The following CCDC62 variants were observed in gnomAD, a reference collection of about 807,000 sequenced individuals.
CCDC62 encodes the protein coiled-coil domain containing 62.
A neutral mutation model predicts 80.8 loss-of-function variants in CCDC62; 72 were observed. The ratio of observed to expected loss-of-function variants is 0.89; its 90% confidence interval spans 0.74 to 1.08. CCDC62 has a LOEUF of 1.08. CCDC62 is among the 50% of genes least tolerant of loss of function. The pLI, the probability that CCDC62 is intolerant of heterozygous loss-of-function variation, is 0.00. For missense variants in CCDC62, 704 were observed against 809.4 expected (o/e 0.87, Z 1.58); for synonymous variants, 286 against 296.5 (o/e 0.96, Z 0.36).
At chr12:122,822,757 G>T (rs536770259) in intron 11 of CCDC62, among the ~76,000 whole-genome samples, 1 of 151,724 alleles carries the variant, frequency 6.6e-6, no homozygotes, top group East Asian at 1.9e-4. Context: ...CTTCTTTCAC[G>T]CAGTCTAATG....
intron 9 of CCDC62, among the ~76,000 whole-genome samples, chr12:122,802,846 G>C (rs991905548): frequency 6.6e-6 from 1 of 152,120 alleles, no homozygotes; most frequent in Admixed American, 6.6e-5. Flanking sequence ...GGTTAACATA[G>C]TGAGGCTCCA....
At chr12:122,826,380 A>G in intron 12 of CCDC62, 42 bp from the exon 13 acceptor site, 1 of 775,274 alleles carries the variant, frequency 1.3e-6, no homozygotes, top group Admixed American at 1.7e-5. Flanking sequence ...ATATTAATTG[A>G]TTGTATTTTA....
chr12:122,785,774 A>G lies in CCDC62; in HGVS notation c.452A>G (p.Gln151Arg), dbSNP rs1298735167. The change falls in exon 4 of 13, where the codon CAG (glutamine) becomes CGG (arginine). Residue 151 changes from glutamine to arginine, a missense_variant. By Grantham distance (43) the Gln-to-Arg change is conservative. Coordinates refer to ENST00000253079, the MANE Select transcript of CCDC62 (RefSeq NM_201435.5). The part of the protein sequence containing the change: ...TLVELSAQVG[Q>R]LQAREQALTT... ...GTGGAACTTTCTGCCCAGGTAGGAC[A>G]GCTACAAGCTCGAGAACAAGCTCTT... 6.2e-7 allele frequency: 1 copy of G among 1,613,906 alleles called. No individual in the cohort carries two copies. The highest frequency in any genetic ancestry group is 2.2e-5 in the East Asian group (1 of 44,898).
chr12:122,781,067 ATTCTCTACCACATTT>A, intron 2 of CCDC62, 82 bp from the exon 3 acceptor site: 1 of 896,874 alleles, frequency 1.1e-6, no homozygotes, highest in South Asian at 1.7e-5. Context: ...CTTTTTAAAA[ATTCTCTACCACATTT>A]TTACCTTTTA....
chr12:122,801,775 G>A lies in CCDC62; in HGVS notation c.1629G>A (p.Met543Ile), dbSNP rs765916160. 1 of 1,614,154 alleles carries A rather than the reference G, an allele frequency of 6.2e-7. No homozygotes were observed. Among genetic ancestry groups the A allele is most frequent in the Non-Finnish European group, 8.5e-7 (1 of 1,180,030 alleles). The part of the protein sequence containing the change: ...EWMSIFKPSK[M>I]QRIVRLKSGC... ...TGAGTATTTTCAAGCCTTCCAAAATGCAGAGAATTGTCCGCCTCAAATCTG... is the reference window on the plus strand; with the variant it reads ...TGAGTATTTTCAAGCCTTCCAAAATACAGAGAATTGTCCGCCTCAAATCTG... Residue 543 changes from methionine (M) to isoleucine (I), a missense_variant, in exon 9 of 13, where the codon ATG becomes ATA. By Grantham distance (10) the Met-to-Ile change is conservative. Coordinates refer to ENST00000253079, the MANE Select transcript of CCDC62 (RefSeq NM_201435.5).
intron 1 of CCDC62, among the ~76,000 whole-genome samples, chr12:122,775,030 C>G (rs1879336376): frequency 7.6e-6 from 1 of 131,880 alleles, no homozygotes; most frequent in African/African-American, 2.8e-5. Flanking sequence ...GGAGGCAGAG[C>G]TTGCAGTGAG....
In CCDC62 at chr12:122,826,732, TG is replaced by T. The variant is rs1327749575; in HGVS notation, c.*352del. 28 of 300,592 alleles carry T rather than the reference TG, an allele frequency of 9.3e-5. No individual in the cohort carries two copies. In the East Asian group the frequency reaches 9.9e-4, roughly 11 times the overall value. The allele number at this position is 300,592 out of a possible 1,614,324, so 18.6% of individuals were successfully genotyped here. A position where few individuals can be genotyped will look rare whatever the true frequency, so the allele number is the denominator to read the frequency against. ...AAATGCTAGAGAAGCTCTTTAAAAA[TG>T]TGAATGTCAAATAGAGAAAGAACCC... On this transcript the variant is annotated 3_prime_UTR_variant, in exon 13 of 13. Coordinates refer to ENST00000253079, the MANE Select transcript of CCDC62 (RefSeq NM_201435.5).
intron 10 of CCDC62, among the ~76,000 whole-genome samples, chr12:122,808,387 G>A (rs1326337059): frequency 6.6e-6 from 1 of 152,106 alleles, no homozygotes; most frequent in Non-Finnish European, 1.5e-5. Flanking sequence ...GGACATTTGG[G>A]TTGTTTCTGG....
chr12:122,780,475 G>A (rs1031007862), intron 2 of CCDC62, among the ~76,000 whole-genome samples: 7 of 150,906 alleles, frequency 4.6e-5, no homozygotes, highest in African/African-American at 2.4e-5. Flanking sequence ...TTAGCCAGGC[G>A]TGGTGGCAGG....
rs1056889716 is a variant in CCDC62, at chr12:122,827,354, T to C, written c.*973T>C. 3 of 152,158 alleles carry C rather than the reference T, an allele frequency of 2.0e-5. No homozygotes were observed. 9.4% of individuals were successfully genotyped at this position (152,158 alleles called of 1,614,324 possible). On this transcript the variant is annotated 3_prime_UTR_variant, in exon 13 of 13. Coordinates refer to ENST00000253079, the MANE Select transcript of CCDC62 (RefSeq NM_201435.5). ...AGCATTGCAGATATCAAAGTTCTAT[T>C]GTGCTGAATAAATGCCCCTTTGTTA...
At chr12:122,787,414 G>A (rs1356663750) in intron 4 of CCDC62, among the ~76,000 whole-genome samples, 8 of 149,442 alleles carry the variant, frequency 5.4e-5, no homozygotes, top group Middle Eastern at 3.4e-3. Context: ...TTGCACCACT[G>A]CACTCCAGCT....
At chr12:122,778,474 TAGATTGTTAGTAG>T (rs1201332098) in intron 2 of CCDC62, among the ~76,000 whole-genome samples, 4 of 152,296 alleles carry the variant, frequency 2.6e-5, no homozygotes, top group Admixed American at 2.0e-4. Context: ...CCATTGACTC[TAGATTGTTAGTAG>T]AATGCATTAG....
At chr12:122,777,328 C>T (rs902823185) in intron 1 of CCDC62, 163 bp from the exon 2 acceptor site, 4 of 590,996 alleles carry the variant, frequency 6.8e-6, no homozygotes, top group Middle Eastern at 4.6e-4. Flanking sequence ...TTAACTTGAA[C>T]ATGTTTTAAG....
Position 122,791,386 on chromosome 12 carries a change from G to A in CCDC62, c.671-634G>A, listed in dbSNP as rs193004217. 2.1e-3 allele frequency among the ~76,000 whole-genome samples: 321 copies of A among 151,822 alleles called. 4 individuals are homozygous for A. Among genetic ancestry groups the A allele is most frequent in the African/African-American group, 7.2e-3 (296 of 41,370 alleles). On this transcript the variant is annotated intron_variant, in intron 5 of 12. Transcript: ENST00000253079. Reference sequence around the variant, plus strand: ...ACTCCTGACCTCAGGTGATCCACCCGCCTCAGCCTCCCAAAGTGTTGGGAT... The same window carrying A: ...ACTCCTGACCTCAGGTGATCCACCCACCTCAGCCTCCCAAAGTGTTGGGAT...
rs1029852737 is a variant in CCDC62 at position 122,797,451 on chromosome 12, A to G, written c.861+56A>G. 45 of 936,140 alleles carry G rather than the reference A, an allele frequency of 4.8e-5. No homozygotes were observed. In the East Asian group the frequency reaches 1.0e-3, roughly 21 times the overall value. 58.0% of individuals were successfully genotyped at this position (936,140 alleles called of 1,614,324 possible). A position where few individuals can be genotyped will look rare whatever the true frequency, so the allele number is the denominator to read the frequency against. ...TAAGAAATGTTTGTAAACAAATAGC[A>G]AATTAGGAAAAATGTATGCCCGTCG... On this transcript the variant is annotated intron_variant, in intron 7 of 12. Coordinates refer to ENST00000253079, the MANE Select transcript of CCDC62 (RefSeq NM_201435.5).
chr12:122,782,223 G>A (rs528113650), intron 3 of CCDC62, among the ~76,000 whole-genome samples: 21 of 151,950 alleles, frequency 1.4e-4, no homozygotes, highest in African/African-American at 3.4e-4. Context: ...GTGTGTGTAC[G>A]AAGGTATCTA....
At chr12:122,795,569 G>T (rs985280845) in intron 6 of CCDC62, among the ~76,000 whole-genome samples, 5 of 152,054 alleles carry the variant, frequency 3.3e-5, no homozygotes, top group Middle Eastern at 3.4e-3. Flanking sequence ...GACTACAGGC[G>T]CCCGCCACCA....
chr12:122,780,034 A>G (rs374311687), intron 2 of CCDC62, among the ~76,000 whole-genome samples: 27 of 151,252 alleles, frequency 1.8e-4, no homozygotes, highest in African/African-American at 6.1e-4. Context: ...TTGGTAGGCC[A>G]GGTACGGTGG....
At position 122,797,403 on chromosome 12, in the gene CCDC62, C is replaced by G; in HGVS notation, c.861+8C>G. Reference sequence around the variant, plus strand: ...CTGCACAATCTGAGACAGGTATGTCCCCAATCATCCTTCTCTGTCACATAA... The same window carrying G: ...CTGCACAATCTGAGACAGGTATGTCGCCAATCATCCTTCTCTGTCACATAA... On this transcript the variant is annotated splice_region_variant and intron_variant, in intron 7 of 12. Transcript: ENST00000253079. The G allele has an allele frequency of 6.7e-7, 1 of 1,481,872 alleles. No individual in the cohort carries two copies. Among genetic ancestry groups the G allele is most frequent in the Non-Finnish European group, 9.4e-7 (1 of 1,061,414 alleles). The allele number at this position is 1,481,872 out of a possible 1,614,324, so 91.8% of individuals were successfully genotyped here.
Sources: gnomAD v4.1 joint callset for allele counts (sites outside exome capture counted in the v4.1 genomes callset) on GRCh38, gnomAD v4.1.1 for gene constraint, MANE v1.5 for transcripts, NCBI Gene and HGNC (gene_info 2026-07-23, HGNC 2026-07-21) for gene names.